Variants in SGCD observed in about 807,000 individuals in gnomAD.
SGCD encodes the protein delta-sarcoglycan.
A neutral mutation model predicts 36.6 loss-of-function variants in SGCD; 18 were observed. The ratio of observed to expected loss-of-function variants is 0.49; its 90% CI spans 0.34 to 0.73. SGCD has a LOEUF of 0.73. SGCD is among the 30% of genes least tolerant of loss of function. The probability of loss-of-function intolerance (pLI) is 0.01; values close to 1 mark genes in which losing one functional copy is unlikely to be tolerated. For missense variants in SGCD, 387 were observed against 346.7 expected, an observed-to-expected ratio of 1.12 and a Z score of -0.92; for synonymous variants, 133 against 130.6, an observed-to-expected ratio of 1.02 and a Z score of -0.12.
At chr5:156,337,309 A>G (rs899978795) in intron 2 of SGCD, among the ~76,000 whole-genome samples, 5 of 152,182 alleles carry the variant, frequency 3.3e-5, no homozygotes, top group Non-Finnish European at 7.4e-5. Context: ...AAATTCACCC[A>G]ATTTTAACCT....
intron 7 of SGCD, among the ~76,000 whole-genome samples, chr5:156,750,730 G>C (rs1006789506): frequency 4.6e-5 from 7 of 151,336 alleles, no homozygotes; most frequent in African/African-American, 1.7e-4. Flanking sequence ...ATAACCTACA[G>C]ATAGATTATG....
chr5:156,229,300 A>ATATATATATAT (rs1477607808), intron 3 of SGCD, among the ~76,000 whole-genome samples: 26 of 126,066 alleles, frequency 2.1e-4, no homozygotes, highest in Non-Finnish European at 2.8e-4. Context: ...ATATATATAT[A>ATATATATATAT]AAATTAGTTC....
At chr5:156,326,351 TTTCTC>T (rs1767815731), upstream of SGCD, among the ~76,000 whole-genome samples, 1 of 152,320 alleles carries the variant, frequency 6.6e-6, no homozygotes, top group Non-Finnish European at 1.5e-5. Flanking sequence ...AGTACATTCT[TTTCTC>T]TTTTCTATTT....
At chr5:156,406,885 A>G (rs1772460803) in intron 3 of SGCD, among the ~76,000 whole-genome samples, 2 of 149,382 alleles carry the variant, frequency 1.3e-5, no homozygotes, top group Admixed American at 6.7e-5. Flanking sequence ...ATTAACTTAC[A>G]TAATCACAAG....
the SGCD span, among the ~76,000 whole-genome samples, chr5:155,781,345 T>C: frequency 1.3e-5 from 2 of 152,282 alleles, no homozygotes; most frequent in South Asian, 4.1e-4. Context: ...GACACAGGGA[T>C]TCCTATCACA....
chr5:156,545,021 A>G (rs1427041562), intron 4 of SGCD, among the ~76,000 whole-genome samples: 1 of 152,170 alleles, frequency 6.6e-6, no homozygotes, highest in Non-Finnish European at 1.5e-5. Flanking sequence ...TCCTTTCAGC[A>G]TGTCAGTTTC....
intron 3 of SGCD, among the ~76,000 whole-genome samples, chr5:156,132,625 C>T (rs1413484249): frequency 2.0e-5 from 3 of 151,236 alleles, no homozygotes; most frequent in African/African-American, 4.9e-5. Context: ...CCCACCACCA[C>T]GCCCGGCTAA....
At chr5:156,630,160 G>A (rs1762579917) in intron 6 of SGCD, among the ~76,000 whole-genome samples, 1 of 152,122 alleles carries the variant, frequency 6.6e-6, no homozygotes, top group African/African-American at 2.4e-5. Context: ...ACCACGCCTG[G>A]CCCTAAGACC....
intron 7 of SGCD, among the ~76,000 whole-genome samples, chr5:156,661,828 A>G (rs1274087462): frequency 3.3e-5 from 5 of 152,080 alleles, no homozygotes; most frequent in Middle Eastern, 3.2e-3. Context: ...TCATTTCCAC[A>G]TAATTTTGTT....
At chr5:156,606,383 C>G (rs996430824) in intron 6 of SGCD, among the ~76,000 whole-genome samples, 1 of 152,144 alleles carries the variant, frequency 6.6e-6, no homozygotes, top group African/African-American at 2.4e-5. Context: ...TCTGAGGGCT[C>G]TGTTCTGTTC....
At chr5:156,233,291 CAG>C (rs1765067993) in intron 3 of SGCD, among the ~76,000 whole-genome samples, 1 of 152,196 alleles carries the variant, frequency 6.6e-6, no homozygotes, top group South Asian at 2.1e-4. Context: ...TATAATAAAA[CAG>C]AGTGATAGAT....
intron 4 of SGCD, among the ~76,000 whole-genome samples, chr5:156,577,199 G>T (rs1055276564): frequency 2.0e-5 from 3 of 152,022 alleles, no homozygotes; most frequent in African/African-American, 7.2e-5. Flanking sequence ...TCTTGTTTTT[G>T]TCAGGTTTGT....
intron 3 of SGCD, among the ~76,000 whole-genome samples, chr5:156,389,534 A>G (rs1771450657): frequency 6.6e-6 from 1 of 152,116 alleles, no homozygotes; most frequent in Non-Finnish European, 1.5e-5. Flanking sequence ...GGTTTCATGG[A>G]AGACAGTTTT....
intron 3 of SGCD, among the ~76,000 whole-genome samples, chr5:156,354,699 G>A (rs572977133): frequency 6.6e-6 from 1 of 152,298 alleles, no homozygotes; most frequent in South Asian, 2.1e-4. Context: ...GTTGCTGTGA[G>A]CTCTGAATAA....
At chr5:156,556,295 A>G (rs974471349) in intron 4 of SGCD, among the ~76,000 whole-genome samples, 9 of 152,058 alleles carry the variant, frequency 5.9e-5, no homozygotes, top group Non-Finnish European at 1.2e-4. Context: ...TAAAGCCTCT[A>G]TATCATTTTT....
At chr5:156,564,022 T>C (rs1759377333) in intron 4 of SGCD, among the ~76,000 whole-genome samples, 1 of 152,274 alleles carries the variant, frequency 6.6e-6, no homozygotes, top group Non-Finnish European at 1.5e-5. Context: ...TAATGGTAGC[T>C]GTTTACCCTT....
intron 6 of SGCD, among the ~76,000 whole-genome samples, chr5:156,605,498 G>T (rs536436406): frequency 1.3e-4 from 20 of 152,288 alleles, no homozygotes; most frequent in African/African-American, 4.1e-4. Flanking sequence ...GAATAGTGCT[G>T]CAATAAAAAT....
At chr5:156,759,154 G>A in intron 8 of SGCD, 63 bp from the exon 9 acceptor site, 1 of 1,282,814 alleles carries the variant, frequency 7.8e-7, no homozygotes, top group African/African-American at 1.5e-5. Context: ...TGCTGTTTCT[G>A]AATGTCAAGA....
intron 3 of SGCD, among the ~76,000 whole-genome samples, chr5:156,426,436 C>T (rs1773674349): frequency 6.6e-6 from 1 of 151,834 alleles, no homozygotes; most frequent in Non-Finnish European, 1.5e-5. Context: ...TATTCTTGCT[C>T]ATTTGAGTTC....
Sources: allele counts gnomAD v4.1 joint callset (sites outside exome capture counted in the v4.1 genomes callset), GRCh38; gene constraint gnomAD v4.1.1; transcripts MANE v1.5; gene names NCBI Gene and HGNC (gene_info 2026-07-23, HGNC 2026-07-21).